ZNF516: variants seen among roughly 807,000 people sequenced by gnomAD.
ZNF516 encodes zinc finger protein 516.
Under a neutral mutation model 79.7 loss-of-function variants are expected in ZNF516, and 19 were observed. The ratio of observed to expected loss-of-function variants is 0.24; its 90% CI spans 0.17 to 0.35. The LOEUF is 0.35. Among genes scored for constraint, ZNF516 ranks in the 10% least tolerant of loss-of-function variants. ZNF516 has a pLI of 1.00. For missense variants in ZNF516, 1,678 were observed against 1,679.5 expected, an observed-to-expected ratio of 1.00 and a Z score of 0.02; for synonymous variants, 877 against 739.5, an observed-to-expected ratio of 1.19 and a Z score of -3.02.
chr18:76,496,373 A>G, upstream of ZNF516: 1 of 1,289,656 alleles, frequency 7.8e-7, no homozygotes, highest in South Asian at 1.2e-5. Context: ...CGTAGCAATC[A>G]GCGCTGCAAT....
chr18:76,471,286 A>G lies in ZNF516; in HGVS notation c.-271-8145T>C, dbSNP rs145810017. On this transcript the variant is annotated intron_variant, in intron 1 of 6. Transcript: ENST00000443185. The stretch of plus-strand genomic sequence containing the variant: ...AAAAAAAAGACATATTATTTCAGGG[A>G]CTTTTCTGCCTTACTTTCTTCCCGA... 6.4e-3 allele frequency among the ~76,000 whole-genome samples: 977 copies of G among 151,520 alleles called. 18 individuals are homozygous for G. Among genetic ancestry groups the G allele is most frequent in the African/African-American group, 0.023 (954 of 41,328 alleles).
At chr18:76,476,697 C>A (rs1022079007) in intron 1 of ZNF516, among the ~76,000 whole-genome samples, 2 of 152,176 alleles carry the variant, frequency 1.3e-5, no homozygotes, top group Non-Finnish European at 2.9e-5. Flanking sequence ...ACCTCCAAAA[C>A]CAGTCATGGT....
At position 76,459,701 on chromosome 18, in the gene ZNF516, T is replaced by G. The variant is rs889043345; in HGVS notation, c.-158+3327A>C. Among the ~76,000 whole-genome samples the G allele has an allele frequency of 6.6e-6, 1 of 151,748 alleles. No individual in the cohort carries two copies. Among genetic ancestry groups the G allele is most frequent in the East Asian group, 1.9e-4 (1 of 5,142 alleles). On this transcript the variant is annotated intron_variant, in intron 2 of 6. Transcript: ENST00000443185. The surrounding 1 kb of genome is among the most constrained non-coding windows in gnomAD (Gnocchi z 5.0). ...CTTCAGGAAGTGGCAGGGCAGGAGG[T>G]AGAACCGGAAGCCTCACGCTACACC... is the stretch of plus-strand genomic sequence containing the variant.
chr18:76,490,286 T>A, intron 1 of ZNF516: 1 of 769,766 alleles, frequency 1.3e-6, no homozygotes, highest in African/African-American at 1.9e-5. Flanking sequence ...CCAATTTTAC[T>A]AAGGGGGGGC....
At chr18:76,413,568 A>G (rs1277112124) in intron 3 of ZNF516, among the ~76,000 whole-genome samples, 5 of 152,180 alleles carry the variant, frequency 3.3e-5, no homozygotes. Flanking sequence ...TTGTTTCAAA[A>G]AAAAAATTAT....
chr18:76,477,040 T>C (rs1457482401), intron 1 of ZNF516, among the ~76,000 whole-genome samples: 1 of 152,170 alleles, frequency 6.6e-6, no homozygotes, highest in Non-Finnish European at 1.5e-5. Flanking sequence ...TATGCAGAAA[T>C]ATTCGTTTGC....
At chr18:76,448,905 G>A (rs1177452360) in intron 2 of ZNF516, among the ~76,000 whole-genome samples, 1 of 152,202 alleles carries the variant, frequency 6.6e-6, no homozygotes. Flanking sequence ...AGAAGGCCAG[G>A]AGGGAAGCGA....
chr18:76,386,515 C>T (rs1321769336), intron 3 of ZNF516: 4 of 152,096 alleles, frequency 2.6e-5, no homozygotes, highest in Non-Finnish European at 5.9e-5. Flanking sequence ...AAAAGTTCCA[C>T]AATATTAAGA....
At chr18:76,495,735 G>C (rs776546571), upstream of ZNF516, 8 of 1,176,096 alleles carry the variant, frequency 6.8e-6, no homozygotes, top group South Asian at 1.2e-4. Flanking sequence ...CGGGTACCTG[G>C]GCACTGCGCC....
At chr18:76,391,063 C>A (rs960171029) in intron 3 of ZNF516, among the ~76,000 whole-genome samples, 1 of 152,096 alleles carries the variant, frequency 6.6e-6, no homozygotes, top group East Asian at 1.9e-4. Context: ...CCAGGCACAG[C>A]AGGTACGGAA....
intron 3 of ZNF516, among the ~76,000 whole-genome samples, chr18:76,426,119 T>A (rs1000754962): frequency 6.6e-6 from 1 of 152,254 alleles, no homozygotes; most frequent in African/African-American, 2.4e-5. Flanking sequence ...GTGATTTCTG[T>A]TTTCTGTTAA....
At chr18:76,425,778 T>C (rs1038050548) in intron 3 of ZNF516, among the ~76,000 whole-genome samples, 2 of 152,168 alleles carry the variant, frequency 1.3e-5, no homozygotes, top group Non-Finnish European at 2.9e-5. Flanking sequence ...GATGGACCCA[T>C]GCGGCACTCA....
intron 1 of ZNF516, among the ~76,000 whole-genome samples, chr18:76,473,778 G>A (rs1599145822): frequency 6.6e-6 from 1 of 150,728 alleles, no homozygotes; most frequent in South Asian, 2.1e-4. Flanking sequence ...TCCAGCCTGA[G>A]CAACAGGGTG....
Position 76,379,058 on chromosome 18 carries a change from C to A in ZNF516, c.3056G>T (p.Gly1019Val), listed in dbSNP as rs754664969. The change falls in exon 4 of 7, where the codon GGG becomes GTG. Residue 1019 changes from glycine (G) to valine (V), a missense_variant. By Grantham distance (109) the Gly-to-Val change is moderately radical. Coordinates refer to ENST00000443185, the MANE Select transcript of ZNF516 (RefSeq NM_014643.4). ...CTGCAAGGCCGCGTCGCCCCTGGAC[C>A]CCGCAGCACAGGTGGCCAGAGTCCT... Reference protein sequence around the residue: ...ELRTLATCAAGSRGDAALQAQ... With the variant: ...ELRTLATCAAVSRGDAALQAQ... 8.4e-5 allele frequency: 135 copies of A among 1,610,402 alleles called. No individual in the cohort carries two copies. Among genetic ancestry groups the A allele is most frequent in the Non-Finnish European group, 1.1e-4 (129 of 1,179,492 alleles).
intron 3 of ZNF516, among the ~76,000 whole-genome samples, chr18:76,440,844 A>G (rs1464435537): frequency 1.3e-5 from 2 of 152,210 alleles, no homozygotes; most frequent in African/African-American, 4.8e-5. Context: ...GAAGGGATCC[A>G]TGATGGTGTT....
intron 3 of ZNF516, among the ~76,000 whole-genome samples, chr18:76,391,871 C>A (rs530497898): frequency 6.6e-6 from 1 of 152,246 alleles, no homozygotes; most frequent in Non-Finnish European, 1.5e-5. Context: ...GAGACCCCAT[C>A]AGACAGAGAC....
Position 76,402,730 on chromosome 18 carries a change from T to A in ZNF516, c.1811-22427A>T, listed in dbSNP as rs554774016. On this transcript the variant is annotated intron_variant, in intron 3 of 6. Transcript: ENST00000443185. Reference sequence around the variant, plus strand: ...CTTGACAGGTCTGACTCTCACGTGATTTCTCCTCTCTGAACTAGAAGCGAG... The same window carrying A: ...CTTGACAGGTCTGACTCTCACGTGAATTCTCCTCTCTGAACTAGAAGCGAG... 2.6e-5 allele frequency among the ~76,000 whole-genome samples: 4 copies of A among 152,364 alleles called. No individual in the cohort carries two copies. The South Asian group carries it at 8.3e-4, about 32-fold the overall frequency.
intron 2 of ZNF516, among the ~76,000 whole-genome samples, chr18:76,454,938 G>A (rs1403685470): frequency 6.6e-6 from 1 of 152,206 alleles, no homozygotes; most frequent in East Asian, 1.9e-4. Flanking sequence ...ATCTTGCCCA[G>A]CAACAGCTTC....
chr18:76,427,915 T>A (rs1391595911), intron 3 of ZNF516, among the ~76,000 whole-genome samples: 1 of 152,188 alleles, frequency 6.6e-6, no homozygotes, highest in Non-Finnish European at 1.5e-5. Flanking sequence ...ATATACCACT[T>A]TTTTTGTTTC....
Sources: gnomAD v4.1 joint callset for allele counts (sites outside exome capture counted in the v4.1 genomes callset) on GRCh38, gnomAD v4.1.1 for gene constraint, Gnocchi (gnomAD v3.1) non-coding constraint, MANE v1.5 for transcripts, NCBI Gene and HGNC (gene_info 2026-07-23, HGNC 2026-07-21) for gene names.